The following NAALADL2 variants were observed in gnomAD, a reference collection of about 807,000 sequenced individuals.
NAALADL2 encodes the protein N-acetylated alpha-linked acidic dipeptidase like 2.
A neutral mutation model predicts 87.2 loss-of-function variants in NAALADL2; 76 were observed. The observed-to-expected ratio is 0.87, with a 90% CI of 0.72 to 1.05. NAALADL2 has a LOEUF of 1.05. Among genes scored for constraint, NAALADL2 ranks in the 50% least tolerant of loss-of-function variants. The pLI is 0.00. For missense variants in NAALADL2, 1,089 were observed against 945.8 expected (o/e 1.15, Z -1.99); for synonymous variants, 354 against 331.0 (o/e 1.07, Z -0.75).
chr3:175,352,186 A>AC (rs1224619795), intron 5 of NAALADL2, among the ~76,000 whole-genome samples: 4 of 128,938 alleles, frequency 3.1e-5, no homozygotes, highest in African/African-American at 1.2e-4. Context: ...TTTTTTTTTA[A>AC]TGGGGGCTAG....
chr3:175,013,357 G>T (rs1750405556), intron 1 of NAALADL2, among the ~76,000 whole-genome samples: 1 of 130,640 alleles, frequency 7.7e-6, no homozygotes. Flanking sequence ...GGAGTGCAGT[G>T]GTGTGATCTC....
chr3:175,321,951 T>A (rs1381014724), intron 4 of NAALADL2, among the ~76,000 whole-genome samples: 29 of 151,282 alleles, frequency 1.9e-4, no homozygotes, highest in African/African-American at 5.9e-4. Flanking sequence ...CCCATCAAGC[T>A]ACCAATGACT....
intron 2 of NAALADL2, among the ~76,000 whole-genome samples, chr3:174,714,646 T>G (rs2108928794): frequency 6.6e-6 from 1 of 152,318 alleles, no homozygotes; most frequent in South Asian, 2.1e-4. Context: ...CACATTGATT[T>G]TGTATCCTGA....
At chr3:175,551,922 C>CAAA (rs11456834) in intron 9 of NAALADL2, among the ~76,000 whole-genome samples, 5 of 122,696 alleles carry the variant, frequency 4.1e-5, no homozygotes, top group South Asian at 2.7e-4. Flanking sequence ...GACTCTGTCT[C>CAAA]AAAAAAAAAA....
chr3:174,760,653 C>T (rs1712809732), intron 3 of NAALADL2, among the ~76,000 whole-genome samples: 1 of 152,224 alleles, frequency 6.6e-6, no homozygotes, highest in Admixed American at 6.5e-5. Flanking sequence ...CTCTGCTAGG[C>T]TCTTGCTGTC....
intron 13 of NAALADL2, among the ~76,000 whole-genome samples, chr3:175,786,552 A>C (rs1233557561): frequency 1.3e-5 from 2 of 152,018 alleles, no homozygotes; most frequent in Non-Finnish European, 2.9e-5. Flanking sequence ...CAGCTCCATC[A>C]GCTCCTTTAA....
At chr3:175,226,072 G>C (rs141872372) in intron 2 of NAALADL2, among the ~76,000 whole-genome samples, 1 of 152,078 alleles carries the variant, frequency 6.6e-6, no homozygotes, top group Non-Finnish European at 1.5e-5. Flanking sequence ...TATTTGTTGA[G>C]TATCAGCTTT....
chr3:174,444,591 A>G (rs1217796609), intron 1 of NAALADL2, among the ~76,000 whole-genome samples: 1 of 152,146 alleles, frequency 6.6e-6, no homozygotes, highest in Non-Finnish European at 1.5e-5. Flanking sequence ...ATATGATGAA[A>G]TCCCTGAGAA....
At chr3:174,453,501 G>T (rs1715623012) in intron 1 of NAALADL2, among the ~76,000 whole-genome samples, 1 of 152,152 alleles carries the variant, frequency 6.6e-6, no homozygotes, top group Admixed American at 6.6e-5. Context: ...AAGAAAAAGT[G>T]TTAAAGGCAG....
chr3:175,753,609 A>G lies in NAALADL2; in HGVS notation c.1991-1611A>G, dbSNP rs368415707. 1.1e-4 allele frequency among the ~76,000 whole-genome samples: 17 copies of G among 152,276 alleles called. 1 individual carries two copies. The South Asian group carries it at 3.5e-3, about 32-fold the overall frequency. ...CTAACCTAGTTTTCCTTTTCTTAGC[A>G]TATCACCTCTCTGTAATTTTTCTTA... On this transcript the variant is annotated intron_variant, in intron 12 of 13. Transcript: ENST00000454872.
At chr3:174,966,041 T>A (rs967827358) in intron 1 of NAALADL2, among the ~76,000 whole-genome samples, 1 of 152,084 alleles carries the variant, frequency 6.6e-6, no homozygotes, top group African/African-American at 2.4e-5. Context: ...TATAAGTGAA[T>A]CCAGTCAGCA....
intron 1 of NAALADL2, among the ~76,000 whole-genome samples, chr3:174,938,201 A>G (rs1560388175): frequency 6.6e-6 from 1 of 151,944 alleles, no homozygotes; most frequent in East Asian, 1.9e-4. Context: ...ACTAGACCCC[A>G]GTGTCTGTTG....
intron 1 of NAALADL2, among the ~76,000 whole-genome samples, chr3:175,071,275 G>T (rs1580294313): frequency 1.3e-5 from 2 of 152,078 alleles, no homozygotes. Flanking sequence ...TTTTATTTCT[G>T]ACTATGCTAA....
chr3:175,177,773 T>C (rs1350814), intron 2 of NAALADL2, among the ~76,000 whole-genome samples: 127,104 of 151,876 alleles, frequency 0.84, 53,479 homozygotes, highest in East Asian at 0.93. Flanking sequence ...TCTGTCCTCA[T>C]TGACTACCAG....
At chr3:175,409,231 G>C (rs1327157261) in intron 5 of NAALADL2, among the ~76,000 whole-genome samples, 1 of 151,504 alleles carries the variant, frequency 6.6e-6, no homozygotes, top group Non-Finnish European at 1.5e-5. Flanking sequence ...TGGAGACATG[G>C]AGAAATTTCT....
intron 6 of NAALADL2, among the ~76,000 whole-genome samples, chr3:175,452,436 A>G (rs2149239786): frequency 6.6e-6 from 1 of 152,310 alleles, no homozygotes; most frequent in South Asian, 2.1e-4. Context: ...GGGAAAACTA[A>G]AAACTTGTTT....
chr3:174,840,752 T>C (rs1016552069), intron 3 of NAALADL2, among the ~76,000 whole-genome samples: 8 of 152,138 alleles, frequency 5.3e-5, no homozygotes, highest in African/African-American at 7.2e-5. Flanking sequence ...TTCTCTCTCT[T>C]TATTTTCTCA....
intron 1 of NAALADL2, among the ~76,000 whole-genome samples, chr3:174,529,776 G>T (rs1721076299): frequency 6.6e-6 from 1 of 152,168 alleles, no homozygotes; most frequent in African/African-American, 2.4e-5. Flanking sequence ...CAGGCTCTAT[G>T]TTGGCCCCTT....
chr3:174,985,428 A>G (rs1312671859), intron 1 of NAALADL2, among the ~76,000 whole-genome samples: 1 of 152,174 alleles, frequency 6.6e-6, no homozygotes, highest in East Asian at 1.9e-4. Context: ...CTCTGTTTCA[A>G]GAAAAATCTT....
Sources: allele counts gnomAD v4.1 joint callset (sites outside exome capture counted in the v4.1 genomes callset), GRCh38; gene constraint gnomAD v4.1.1; transcripts MANE v1.5; gene names NCBI Gene and HGNC (gene_info 2026-07-23, HGNC 2026-07-21).